The following C14orf39 variants were observed in gnomAD, a reference collection of about 807,000 sequenced individuals.
C14orf39 encodes chromosome 14 open reading frame 39.
A neutral mutation model predicts 85.6 loss-of-function variants in C14orf39; 66 were observed. The ratio of observed to expected loss-of-function variants is 0.77; its 90% CI spans 0.63 to 0.95. The LOEUF is 0.95. C14orf39 is among the 40% of genes least tolerant of loss of function. The probability of loss-of-function intolerance (pLI) is 0.00; values close to 1 mark genes in which losing one functional copy is unlikely to be tolerated. For synonymous variants in C14orf39, 242 were observed against 214.0 expected (o/e 1.13, Z -1.14); for missense variants, 735 against 663.9 (o/e 1.11, Z -1.18).
chr14:60,506,265 A>G (rs1260979977), intron 1 of C14orf39, among the ~76,000 whole-genome samples: 1 of 152,238 alleles, frequency 6.6e-6, no homozygotes, highest in Non-Finnish European at 1.5e-5. Context: ...GGTCAAATGC[A>G]AAAGAAAAAT....
intron 2 of C14orf39, chr14:60,494,146 T>A (rs905589835): frequency 9.4e-6 from 3 of 320,578 alleles, no homozygotes; most frequent in Non-Finnish European, 1.9e-5. Flanking sequence ...GGGGCCAGAA[T>A]TTCCTTGGGA....
intron 2 of C14orf39, among the ~76,000 whole-genome samples, chr14:60,492,140 A>AAT (rs1555360185): frequency 7.3e-5 from 11 of 151,390 alleles, no homozygotes; most frequent in East Asian, 1.9e-4. Flanking sequence ...TTTAAAAAAA[A>AAT]TTTTTTTATC....
Position 60,491,971 on chromosome 14 carries a change from G to A in C14orf39, c.-8-6885C>T, listed in dbSNP as rs1892995957. Among the ~76,000 whole-genome samples, 1 of 152,150 alleles carries A rather than the reference G, an allele frequency of 6.6e-6. No individual in the cohort carries two copies. Among genetic ancestry groups the A allele is most frequent in the South Asian group, 2.1e-4 (1 of 4,808 alleles). On this transcript the variant is annotated intron_variant, in intron 2 of 5. Transcript: ENST00000556799. This position sits in a 1 kb window ranked among gnomAD's most constrained non-coding sequence, Gnocchi z 4.5. ...ACAGCATCACCAGGTACAACTACAGGTGCTTCCCTATTGATCATGTATTTA... is the reference window on the plus strand; with the variant it reads ...ACAGCATCACCAGGTACAACTACAGATGCTTCCCTATTGATCATGTATTTA...
intron 4 of C14orf39, among the ~76,000 whole-genome samples, chr14:60,479,032 C>T (rs1017388351): frequency 1.3e-5 from 2 of 151,900 alleles, no homozygotes; most frequent in African/African-American, 4.8e-5. Flanking sequence ...TCAAATATTG[C>T]CTTTTTTCTA....
chr14:60,473,018 C>A (rs1378922809), intron 5 of C14orf39, among the ~76,000 whole-genome samples: 1 of 152,158 alleles, frequency 6.6e-6, no homozygotes, highest in Admixed American at 6.5e-5. Context: ...TACAGTCCCA[C>A]CAACAGTGTA....
At chr14:60,466,876 C>CA (rs557598063) in intron 10 of C14orf39, 41 bp downstream of exon 10, 259 of 1,415,786 alleles carry the variant, frequency 1.8e-4, no homozygotes, top group Admixed American at 5.2e-4. Flanking sequence ...TGTGTGTTTG[C>CA]AAAAAAAATG....
At chr14:60,469,929 G>GAT (rs1555357840) in intron 7 of C14orf39, among the ~76,000 whole-genome samples, 1 of 108,250 alleles carries the variant, frequency 9.2e-6, no homozygotes. Context: ...TCACAGGGTA[G>GAT]TTTTTTTTTT....
At chr14:60,509,325 C>T (rs1293615972) in intron 1 of C14orf39, 3 of 1,312,326 alleles carry the variant, frequency 2.3e-6, no homozygotes, top group African/African-American at 2.9e-5. Context: ...CTGGCACACT[C>T]AGCCAGGCCC....
upstream of C14orf39, among the ~76,000 whole-genome samples, chr14:60,489,824 A>G (rs1175488714): frequency 6.6e-6 from 1 of 152,190 alleles, no homozygotes; most frequent in Non-Finnish European, 1.5e-5. Context: ...TCAACATCAT[A>G]TTTCTCTCAC....
At chr14:60,443,817 G>C (rs562296452) in intron 16 of C14orf39, among the ~76,000 whole-genome samples, 1 of 152,280 alleles carries the variant, frequency 6.6e-6, no homozygotes, top group East Asian at 1.9e-4. Flanking sequence ...ATGGGACAAA[G>C]ATTCCAGAAG....
At position 60,436,642 on chromosome 14, in the gene C14orf39, C is replaced by G; in HGVS notation, c.*203G>C. The G allele has an allele frequency of 2.7e-6, 1 of 366,854 alleles. No homozygotes were observed. Among genetic ancestry groups the G allele is most frequent in the Non-Finnish European group, 4.8e-6 (1 of 209,186 alleles). The allele number at this position is 366,854 out of a possible 1,614,324, so 22.7% of individuals were successfully genotyped here. On this transcript the variant is annotated 3_prime_UTR_variant, in exon 18 of 18. Transcript: ENST00000321731. Reference sequence around the variant, plus strand: ...TGACCACGGCTCGCAAAATCAAAACCAAAATAAATAATGATTAGTTAATAG... The same window carrying G: ...TGACCACGGCTCGCAAAATCAAAACGAAAATAAATAATGATTAGTTAATAG...
At chr14:60,460,370 C>G (rs1891463722) in intron 13 of C14orf39, among the ~76,000 whole-genome samples, 1 of 151,440 alleles carries the variant, frequency 6.6e-6, no homozygotes, top group Non-Finnish European at 1.5e-5. Flanking sequence ...TTTTTTTCTC[C>G]CAGAAGGAAT....
upstream of C14orf39, among the ~76,000 whole-genome samples, chr14:60,489,053 C>T (rs983034650): frequency 6.6e-6 from 1 of 152,162 alleles, no homozygotes; most frequent in Admixed American, 6.5e-5. Context: ...TCCATAGTAA[C>T]TTCAATTATC....
chr14:60,499,106 AAT>A (rs1273326599), intron 2 of C14orf39, among the ~76,000 whole-genome samples: 3 of 152,074 alleles, frequency 2.0e-5, no homozygotes, highest in African/African-American at 7.2e-5. Context: ...AAATACAAAA[AAT>A]AGCTGGGCAT....
At chr14:60,454,486 C>A (rs1410880971) in intron 16 of C14orf39, among the ~76,000 whole-genome samples, 2 of 152,104 alleles carry the variant, frequency 1.3e-5, no homozygotes, top group East Asian at 3.9e-4. Flanking sequence ...AACCACTACA[C>A]TGTAATGTTT....
chr14:60,441,963 C>A, intron 17 of C14orf39, 111 bp downstream of exon 17: 2 of 692,928 alleles, frequency 2.9e-6, no homozygotes, highest in East Asian at 2.6e-5. Flanking sequence ...GCAGAAGTAA[C>A]AGTAATTTCT....
At chr14:60,509,822 C>T (rs1893263138) in intron 1 of C14orf39, 1 of 1,613,786 alleles carries the variant, frequency 6.2e-7, no homozygotes, top group African/African-American at 1.3e-5. Context: ...CACGCGGCAC[C>T]TGCTACGCGA....
At chr14:60,446,957 T>C (rs966169349) in intron 16 of C14orf39, among the ~76,000 whole-genome samples, 1 of 152,172 alleles carries the variant, frequency 6.6e-6, no homozygotes, top group African/African-American at 2.4e-5. Flanking sequence ...ACCACACGAT[T>C]ATCTCAATAG....
chr14:60,505,108 A>T (rs7145812), intron 1 of C14orf39, among the ~76,000 whole-genome samples: 5,017 of 152,324 alleles, frequency 0.033, 282 homozygotes, highest in African/African-American at 0.11. Flanking sequence ...AATTAATTTA[A>T]CAACACTAGG....
Sources: allele counts gnomAD v4.1 joint callset (sites outside exome capture counted in the v4.1 genomes callset), GRCh38; gene constraint gnomAD v4.1.1; non-coding constraint Gnocchi (gnomAD v3.1); transcripts MANE v1.5; gene names NCBI Gene and HGNC (gene_info 2026-07-23, HGNC 2026-07-21).